The following ADAM22 variants were observed in gnomAD, a reference collection of about 807,000 sequenced individuals.
The protein encoded by ADAM22 is disintegrin and metalloproteinase domain-containing protein 22.
ADAM22 carries 65 observed loss-of-function variants against 144.6 expected under a neutral mutation model. The observed-to-expected ratio is 0.45, with a 90% CI of 0.37 to 0.55. The LOEUF (loss-of-function observed/expected upper bound fraction) is 0.55. Among genes scored for constraint, ADAM22 ranks in the 20% least tolerant of loss-of-function variants. ADAM22 has a pLI of 0.00. For missense variants in ADAM22, 974 were observed against 1,184.9 expected (o/e 0.82, Z 2.61); for synonymous variants, 391 against 412.6 (o/e 0.95, Z 0.63).
At chr7:88,019,490 A>G (rs1326645020) in intron 3 of ADAM22, among the ~76,000 whole-genome samples, 1 of 151,662 alleles carries the variant, frequency 6.6e-6, no homozygotes, top group Non-Finnish European at 1.5e-5. Context: ...AAAGAAAGAA[A>G]TAAATACACA....
intron 4 of ADAM22, among the ~76,000 whole-genome samples, chr7:88,083,487 T>TA (rs551705390): frequency 1.3e-4 from 20 of 151,484 alleles, no homozygotes; most frequent in African/African-American, 4.1e-4. Context: ...TTAAAGTATA[T>TA]AAAAAAAAGA....
intron 7 of ADAM22, among the ~76,000 whole-genome samples, chr7:88,118,671 CTT>C (rs545096159): frequency 2.9e-5 from 4 of 139,242 alleles, no homozygotes; most frequent in African/African-American, 8.1e-5. Context: ...ATATATATAT[CTT>C]TTTTTTTTTT....
intron 7 of ADAM22, among the ~76,000 whole-genome samples, chr7:88,119,233 A>G (rs1489506760): frequency 1.3e-5 from 2 of 152,200 alleles, no homozygotes; most frequent in South Asian, 2.1e-4. Context: ...GTACCATTCA[A>G]TGACTTTTTA....
chr7:87,971,718 A>G (rs1359472590), intron 2 of ADAM22, among the ~76,000 whole-genome samples: 1 of 152,196 alleles, frequency 6.6e-6, no homozygotes, highest in Non-Finnish European at 1.5e-5. Context: ...AATTCTTGGT[A>G]TTATACTGAT....
intron 31 of ADAM22, among the ~76,000 whole-genome samples, chr7:88,195,602 G>A (rs557017854): frequency 1.3e-5 from 2 of 152,014 alleles, no homozygotes; most frequent in Non-Finnish European, 1.5e-5. Flanking sequence ...TGCAAGCTCC[G>A]CCTCCCGGGT....
chr7:87,958,588 G>GATGGTCTCAATCTC (rs1847341536), intron 2 of ADAM22, among the ~76,000 whole-genome samples: 1 of 152,014 alleles, frequency 6.6e-6, no homozygotes, highest in African/African-American at 2.4e-5. Flanking sequence ...GTTTCACCAT[G>GATGGTCTCAATCTC]TTGGCCAGGA....
At chr7:88,178,842 C>A in intron 26 of ADAM22, 93 bp from the exon 27 acceptor site, 1 of 681,592 alleles carries the variant, frequency 1.5e-6, no homozygotes, top group Non-Finnish European at 2.4e-6. Flanking sequence ...ATCATTATCC[C>A]TACCTCTCTT....
At chr7:87,990,846 G>C (rs565701073) in intron 3 of ADAM22, among the ~76,000 whole-genome samples, 3 of 151,964 alleles carry the variant, frequency 2.0e-5, no homozygotes, top group Non-Finnish European at 4.4e-5. Context: ...TGTATTTTTA[G>C]TAGAGACGGA....
At position 88,008,802 on chromosome 7, in the gene ADAM22, C is replaced by T. The variant is rs923723899; in HGVS notation, c.323+30390C>T. 2.6e-5 allele frequency among the ~76,000 whole-genome samples: 4 copies of T among 151,254 alleles called. 1 individual carries two copies. The highest frequency in any genetic ancestry group is 4.2e-4 in the South Asian group (2 of 4,768). On this transcript the variant is annotated intron_variant, in intron 3 of 31. Transcript: ENST00000413139. The stretch of plus-strand genomic sequence containing the variant: ...AGGAGATATACCTAATGCTAAATGA[C>T]GAGTTAATGGGTGCAGCACACCAGC...
chr7:88,080,544 C>T (rs547205442), intron 4 of ADAM22, among the ~76,000 whole-genome samples: 26 of 152,098 alleles, frequency 1.7e-4, no homozygotes, highest in African/African-American at 5.3e-4. Context: ...TTCAAAAAAT[C>T]AATGAATCCA....
At chr7:88,184,481 C>A (rs1223209809) in intron 29 of ADAM22, 18 of 231,446 alleles carry the variant, frequency 7.8e-5, no homozygotes, top group South Asian at 6.4e-4. Flanking sequence ...AGAACAGGGT[C>A]ATTTGATCTT....
chr7:88,111,202 G>A (rs144013450), intron 5 of ADAM22, among the ~76,000 whole-genome samples: 10 of 152,016 alleles, frequency 6.6e-5, no homozygotes, highest in African/African-American at 9.6e-5. Context: ...TCATCTTGTT[G>A]TTTAGTAATT....
At chr7:88,139,760 ATAAGCATAGGGTAATGAGGTGTG>A (rs1402422924) in intron 14 of ADAM22, among the ~76,000 whole-genome samples, 1 of 152,148 alleles carries the variant, frequency 6.6e-6, no homozygotes, top group African/African-American at 2.4e-5. Flanking sequence ...GTCAGGTTTT[ATAAGCATAGGGTAATGAGGTGTG>A]ATCTGATTGG....
intron 2 of ADAM22, among the ~76,000 whole-genome samples, chr7:87,973,990 T>C (rs963542130): frequency 6.6e-6 from 1 of 151,578 alleles, no homozygotes; most frequent in Non-Finnish European, 1.5e-5. Flanking sequence ...TAATGCTAAA[T>C]GACGAGTTAA....
intron 3 of ADAM22, among the ~76,000 whole-genome samples, chr7:88,015,937 T>C (rs533986231): frequency 5.0e-4 from 60 of 121,176 alleles, no homozygotes; most frequent in African/African-American, 1.6e-3. Flanking sequence ...TTTCAAATCC[T>C]TCTTTTTTTT....
At chr7:88,133,027 C>A in intron 12 of ADAM22, 76 bp downstream of exon 12, 1 of 1,345,850 alleles carries the variant, frequency 7.4e-7, no homozygotes, top group Non-Finnish European at 1.1e-6. Context: ...GAGATAATTT[C>A]TCAGTATTCA....
At chr7:88,166,959 C>T (rs2129531369) in intron 24 of ADAM22, among the ~76,000 whole-genome samples, 1 of 152,224 alleles carries the variant, frequency 6.6e-6, no homozygotes, top group South Asian at 2.1e-4. Context: ...ATTCTAGTGA[C>T]CCAAGGAATC....
At chr7:88,047,272 C>T (rs887342318) in intron 3 of ADAM22, among the ~76,000 whole-genome samples, 1 of 152,132 alleles carries the variant, frequency 6.6e-6, no homozygotes, top group African/African-American at 2.4e-5. Context: ...GTAGTTTTTT[C>T]CCTGCCACAG....
Position 87,958,223 on chromosome 7 carries a change from G to T in ADAM22, c.247-20113G>T, listed in dbSNP as rs1052046444. 2.0e-5 allele frequency among the ~76,000 whole-genome samples: 3 copies of T among 152,006 alleles called. 1 individual carries two copies. The highest frequency in any genetic ancestry group is 4.4e-5 in the Non-Finnish European group (3 of 68,008). On this transcript the variant is annotated intron_variant, in intron 2 of 31. Transcript: ENST00000413139. ...GTATATATTTGGAAGTGAAATTGTT[G>T]ATTCCTAGGGCTTGTACACTGTCAA...
Sources: gnomAD v4.1 joint callset for allele counts (sites outside exome capture counted in the v4.1 genomes callset) on GRCh38, gnomAD v4.1.1 for gene constraint, MANE v1.5 for transcripts, NCBI Gene and HGNC (gene_info 2026-07-23, HGNC 2026-07-21) for gene names.